The following ZSCAN5A variants were observed in gnomAD, a reference collection of about 807,000 sequenced individuals.
The protein encoded by ZSCAN5A is zinc finger and SCAN domain containing 5A, also known as zinc finger and SCAN domain-containing protein 5A.
A neutral mutation model predicts 23.7 loss-of-function variants in ZSCAN5A; 12 were observed. The observed-to-expected ratio is 0.51, with a 90% CI of 0.32 to 0.82. The LOEUF (loss-of-function observed/expected upper bound fraction) is 0.82. Ranked by LOEUF, ZSCAN5A falls within the 40% of genes least tolerant of loss-of-function variation. The probability of loss-of-function intolerance (pLI) is 0.03; values close to 1 mark genes in which losing one functional copy is unlikely to be tolerated. For synonymous variants in ZSCAN5A, 257 were observed against 239.9 expected (o/e 1.07, Z -0.66); for missense variants, 597 against 617.9 (o/e 0.97, Z 0.36).
chr19:56,357,669 C>G (rs2041707607), intron 2 of ZSCAN5A, among the ~76,000 whole-genome samples: 1 of 147,978 alleles, frequency 6.8e-6, no homozygotes, highest in Non-Finnish European at 1.5e-5. Flanking sequence ...CCCTGAAGTA[C>G]ACAGACCAAC....
Position 56,229,651 on chromosome 19 carries a change from G to A in ZSCAN5A, c.-127-4478C>T, listed in dbSNP as rs564064621. 2.6e-5 allele frequency among the ~76,000 whole-genome samples: 4 copies of A among 152,278 alleles called. 1 individual carries two copies. The South Asian group carries it at 6.2e-4, about 24-fold the overall frequency. ...ATAGTCTTATTTCTGTGAAGCTGCC[G>A]TTGGTATTTTGGAAGAGACCGCATC... On this transcript the variant is annotated intron_variant, in intron 2 of 5. Coordinates refer to ENST00000683990, the MANE Select transcript of ZSCAN5A (RefSeq NM_001322064.3).
At chr19:56,358,658 A>T (rs906013201) in intron 2 of ZSCAN5A, among the ~76,000 whole-genome samples, 1 of 152,244 alleles carries the variant, frequency 6.6e-6, no homozygotes, top group Non-Finnish European at 1.5e-5. Flanking sequence ...CTTACTCTAA[A>T]ATTGATCACA....
chr19:56,225,175 T>TGG lies in ZSCAN5A; in HGVS notation c.-127-4_-127-3dup. On this transcript the variant is annotated splice_polypyrimidine_tract_variant and splice_region_variant and intron_variant, in intron 2 of 5. Coordinates refer to ENST00000683990, the MANE Select transcript of ZSCAN5A (RefSeq NM_001322064.3). ...TAGATTCACTGTTCATTCAGAAGTCTGGGGGGGAAAAGTATGAGCCTCATT... is the reference window on the plus strand; with the variant it reads ...TAGATTCACTGTTCATTCAGAAGTCTGGGGGGGGGAAAAGTATGAGCCTCATT... The TGG allele has an allele frequency of 7.3e-7, 1 of 1,379,164 alleles. No homozygotes were observed. The highest frequency in any genetic ancestry group is 1.9e-5 in the African/African-American group (1 of 52,078). The allele number at this position is 1,379,164 out of a possible 1,614,324, so 85.4% of individuals were successfully genotyped here. A position where few individuals can be genotyped will look rare whatever the true frequency, so the allele number is the denominator to read the frequency against.
At chr19:56,319,655 T>A, upstream of ZSCAN5A, 1 of 559,736 alleles carries the variant, frequency 1.8e-6, no homozygotes, top group Admixed American at 3.1e-5. Context: ...GCAGATATGC[T>A]CAAAAGAAGA....
chr19:56,239,440 G>A (rs1013475712), intron 2 of ZSCAN5A, among the ~76,000 whole-genome samples: 1 of 152,270 alleles, frequency 6.6e-6, no homozygotes, highest in East Asian at 1.9e-4. Context: ...GGCTTTTCAC[G>A]TTTGAGAGGC....
At chr19:56,228,420 G>A (rs1181756370) in intron 2 of ZSCAN5A, 4 of 985,230 alleles carry the variant, frequency 4.1e-6, no homozygotes, top group East Asian at 1.1e-4. Context: ...TTACGTAATC[G>A]GCGTTGATTA....
At position 56,237,030 on chromosome 19, in the gene ZSCAN5A, G is replaced by C. The variant is rs113851828; in HGVS notation, c.-127-11857C>G. ...ACGGGGTGTAGCCAATGGGAGGCCT[G>C]TCAAAGACACCGAGGGGTATTGCCG... is the stretch of plus-strand genomic sequence containing the variant. On this transcript the variant is annotated intron_variant, in intron 2 of 5. Transcript: ENST00000683990. Among the ~76,000 whole-genome samples, 17 of 152,364 alleles carry C rather than the reference G, an allele frequency of 1.1e-4. No homozygotes were observed. The East Asian group carries it at 3.3e-3, about 29-fold the overall frequency.
At chr19:56,346,208 C>G (rs923976315) in intron 2 of ZSCAN5A, among the ~76,000 whole-genome samples, 1 of 148,102 alleles carries the variant, frequency 6.8e-6, no homozygotes, top group African/African-American at 2.5e-5. Context: ...AAAACAGCAA[C>G]GAAAACAGAA....
At chr19:56,312,023 C>T (rs979362236) in intron 2 of ZSCAN5A, 8 of 152,062 alleles carry the variant, frequency 5.3e-5, no homozygotes, top group Non-Finnish European at 1.0e-4. Context: ...CCCAGAAGCC[C>T]GGTAAAATCA....
chr19:56,221,947 GATGACTAGCTTGGA>G lies in ZSCAN5A; in HGVS notation c.1105_1118del (p.Ser369ProfsTer14). ...TCTCGCCTGTGTGTGATCTCTTGTGGATGACTAGCTTGGAATTACACGTAAACCTCTTCTCGCAC... is the reference window on the plus strand; with the variant it reads ...TCTCGCCTGTGTGTGATCTCTTGTGGATTACACGTAAACCTCTTCTCGCAC... On this transcript the variant is annotated frameshift_variant, in exon 6 of 6. Transcript: ENST00000683990. LOFTEE classifies it low-confidence loss of function (END_TRUNC). 2 of 1,614,186 alleles carry G rather than the reference GATGACTAGCTTGGA, an allele frequency of 1.2e-6. No homozygotes were observed. The highest frequency in any genetic ancestry group is 2.2e-5 in the South Asian group (2 of 91,084).
Position 56,356,892 on chromosome 19 carries a change from C to G in ZSCAN5A, c.-358+6343G>C, listed in dbSNP as rs575900022. On this transcript the variant is annotated intron_variant, in intron 2 of 6. Transcript: ENST00000587340. ...GGACCTGCACTATGATTCCTGCAGA[C>G]TGAAGGAGTTCCTTTAGAACTGGTT... Among the ~76,000 whole-genome samples the G allele has an allele frequency of 2.2e-4, 33 of 148,566 alleles. 5 individuals carry two copies. The highest frequency in any genetic ancestry group is 8.1e-4 in the African/African-American group (32 of 39,428).
At chr19:56,256,101 G>C (rs922783342) in intron 2 of ZSCAN5A, among the ~76,000 whole-genome samples, 9 of 152,152 alleles carry the variant, frequency 5.9e-5, no homozygotes, top group African/African-American at 2.2e-4. Context: ...AGAACAGTCA[G>C]GAGGAAATGC....
intron 2 of ZSCAN5A, among the ~76,000 whole-genome samples, chr19:56,302,482 TCCCA>T (rs2040325955): frequency 7.6e-6 from 1 of 132,010 alleles, no homozygotes; most frequent in Non-Finnish European, 1.6e-5. Flanking sequence ...CCTTCTTCCT[TCCCA>T]TCCTTCTTCC....
intron 2 of ZSCAN5A, among the ~76,000 whole-genome samples, chr19:56,265,071 G>C (rs1212837397): frequency 6.6e-6 from 1 of 151,974 alleles, no homozygotes; most frequent in East Asian, 1.9e-4. Context: ...GCAGTGAGCT[G>C]AGATCACACC....
At chr19:56,269,752 G>A (rs1033877404) in intron 2 of ZSCAN5A, among the ~76,000 whole-genome samples, 20 of 152,314 alleles carry the variant, frequency 1.3e-4, no homozygotes, top group African/African-American at 4.1e-4. Context: ...GAAAGAGGCC[G>A]ACCAGGAGTC....
chr19:56,313,326 CA>C lies in ZSCAN5A; in HGVS notation c.-172del. 2 of 323,014 alleles carry C rather than the reference CA, an allele frequency of 6.2e-6. No homozygotes were observed. The highest frequency in any genetic ancestry group is 1.2e-5 in the Non-Finnish European group (2 of 163,202). 20.0% of individuals were successfully genotyped at this position (323,014 alleles called of 1,614,324 possible). A position where few individuals can be genotyped will look rare whatever the true frequency, so the allele number is the denominator to read the frequency against. ...AGGCCTCACAATCATGGCAGAAGGT[CA>C]AAGGCACGTCTCACATGGCAGCAGA... On this transcript the variant is annotated 5_prime_UTR_variant, in exon 2 of 6. It removes the in-frame stop codon of an upstream open reading frame in the 5' UTR. Coordinates refer to ENST00000683990, the MANE Select transcript of ZSCAN5A (RefSeq NM_001322064.3).
chr19:56,305,464 CTT>C (rs1347239170), intron 2 of ZSCAN5A, among the ~76,000 whole-genome samples: 1 of 152,222 alleles, frequency 6.6e-6, no homozygotes, highest in Non-Finnish European at 1.5e-5. Flanking sequence ...ACATAGCACA[CTT>C]TGTTTATCCA....
At position 56,244,020 on chromosome 19, in the gene ZSCAN5A, G is replaced by C. The variant is rs544999180; in HGVS notation, c.-127-18847C>G. ...TACTGGAAGAACTTTCTCAGAGACT[G>C]ACTGAAATATTCTCCACCAGATATG... On this transcript the variant is annotated intron_variant, in intron 2 of 5. Transcript: ENST00000683990. 7.1e-4 allele frequency: 560 copies of C among 793,436 alleles called. 8 individuals carry two copies. In the South Asian group the frequency reaches 9.0e-3, roughly 13 times the overall value. 49.1% of individuals were successfully genotyped at this position (793,436 alleles called of 1,614,324 possible).
chr19:56,314,647 A>G (rs371033227), intron 1 of ZSCAN5A, 34 bp downstream of exon 1: 2 of 150,636 alleles, frequency 1.3e-5, no homozygotes, highest in African/African-American at 4.9e-5. Flanking sequence ...CAGTGACGTC[A>G]CCGCAAGGGC....
Sources: allele counts gnomAD v4.1 joint callset (sites outside exome capture counted in the v4.1 genomes callset), GRCh38; gene constraint gnomAD v4.1.1; transcripts MANE v1.5; gene names NCBI Gene and HGNC (gene_info 2026-07-23, HGNC 2026-07-21).